Variants in RHEB observed in about 807,000 individuals in gnomAD.
The protein encoded by RHEB is Ras homolog, mTORC1 binding.
A neutral mutation model predicts 28.8 loss-of-function variants in RHEB; 2 were observed. That is an observed-to-expected ratio of 0.07 (90% CI 0.03 to 0.22). RHEB has a LOEUF of 0.22. Ranked by LOEUF, RHEB falls within the 10% of genes least tolerant of loss-of-function variation. The pLI is 1.00. For synonymous variants in RHEB, 69 were observed against 77.3 expected, an observed-to-expected ratio of 0.89 and a Z score of 0.56; for missense variants, 76 against 219.9, an observed-to-expected ratio of 0.35 and a Z score of 4.14.
At chr7:151,494,518 T>C (rs79049848) in intron 1 of RHEB, among the ~76,000 whole-genome samples, 1,988 of 152,370 alleles carry the variant, frequency 0.013, 43 homozygotes, top group African/African-American at 0.045. Context: ...TAAATTAACA[T>C]TTCACTTGAA....
chr7:151,478,913 G>T (rs897654603), intron 3 of RHEB, among the ~76,000 whole-genome samples: 1 of 151,794 alleles, frequency 6.6e-6, no homozygotes, highest in Non-Finnish European at 1.5e-5. Flanking sequence ...GGGATTACAC[G>T]TGTGAGCCAC....
At chr7:151,511,202 T>TA (rs1802981366) in intron 1 of RHEB, among the ~76,000 whole-genome samples, 5 of 152,334 alleles carry the variant, frequency 3.3e-5, no homozygotes, top group Admixed American at 6.5e-5. Context: ...AAAGCCCATA[T>TA]TTGCATCCCC....
chr7:151,485,055 C>T (rs1802444484), intron 2 of RHEB, among the ~76,000 whole-genome samples: 1 of 152,184 alleles, frequency 6.6e-6, no homozygotes, highest in African/African-American at 2.4e-5. Context: ...ACAAAGTACG[C>T]AACAATTCAT....
Position 151,505,609 on chromosome 7 carries a change from T to C in RHEB, c.52+13851A>G, listed in dbSNP as rs529749406. On this transcript the variant is annotated intron_variant, in intron 1 of 7. Transcript: ENST00000262187. ...AACAGTTTGGTAGTTTCTCCTAAAG[T>C]ATACACTTAACATATATGTGACTCA... Among the ~76,000 whole-genome samples the C allele has an allele frequency of 6.6e-5, 10 of 152,326 alleles. No homozygotes were observed. The East Asian group carries it at 9.6e-4, about 15-fold the overall frequency.
At chr7:151,519,259 G>C (rs1803137874) in intron 1 of RHEB, 1 of 248,556 alleles carries the variant, frequency 4.0e-6, no homozygotes, top group Non-Finnish European at 7.3e-6. Flanking sequence ...AGGGCGCCCA[G>C]CTACCGCGGC....
intron 1 of RHEB, among the ~76,000 whole-genome samples, chr7:151,510,389 C>A (rs1184380455): frequency 6.6e-6 from 1 of 152,228 alleles, no homozygotes; most frequent in East Asian, 1.9e-4. Flanking sequence ...GGGCAAGTCA[C>A]ATAAACTTTT....
chr7:151,483,326 T>A (rs1344466745), intron 3 of RHEB, among the ~76,000 whole-genome samples: 1 of 152,186 alleles, frequency 6.6e-6, no homozygotes, highest in African/African-American at 2.4e-5. Flanking sequence ...CTGGGTCTAC[T>A]CCAATTTCCC....
At chr7:151,511,998 C>G (rs564362023) in intron 1 of RHEB, among the ~76,000 whole-genome samples, 2 of 152,306 alleles carry the variant, frequency 1.3e-5, no homozygotes, top group African/African-American at 4.8e-5. Context: ...AAGGACTCAG[C>G]AGTTTGCATT....
chr7:151,470,844 TAG>T (rs1802149319), intron 6 of RHEB, among the ~76,000 whole-genome samples, 192 bp from the exon 7 acceptor site: 1 of 152,226 alleles, frequency 6.6e-6, no homozygotes, highest in Non-Finnish European at 1.5e-5. Flanking sequence ...GGGAACAGAA[TAG>T]ACATTGCTTT....
At chr7:151,475,530 C>CA (rs1416385804) in intron 4 of RHEB, among the ~76,000 whole-genome samples, 5 of 152,154 alleles carry the variant, frequency 3.3e-5, no homozygotes, top group African/African-American at 1.2e-4. Flanking sequence ...CAAGGCCTTA[C>CA]ACGTGGCAGT....
At chr7:151,474,863 G>C (rs1245547256) in intron 4 of RHEB, among the ~76,000 whole-genome samples, 1 of 152,150 alleles carries the variant, frequency 6.6e-6, no homozygotes, top group African/African-American at 2.4e-5. Context: ...GATTCAGAAA[G>C]TTTTACTGAC....
intron 1 of RHEB, among the ~76,000 whole-genome samples, chr7:151,517,515 C>T (rs1038682149): frequency 6.6e-6 from 1 of 151,416 alleles, no homozygotes; most frequent in African/African-American, 2.4e-5. Flanking sequence ...AAAATAGGGA[C>T]TAAAAGTGAC....
chr7:151,509,967 A>C (rs1166447969), intron 1 of RHEB, among the ~76,000 whole-genome samples: 3 of 152,226 alleles, frequency 2.0e-5, no homozygotes, highest in African/African-American at 4.8e-5. Context: ...GGCCTTTTAC[A>C]GAACAAGTCT....
chr7:151,498,197 A>T, intron 1 of RHEB: 5 of 1,264,748 alleles, frequency 4.0e-6, no homozygotes, highest in Non-Finnish European at 5.2e-6. Context: ...GGAAAAGGTC[A>T]GGTAAATAGA....
chr7:151,481,885 C>T (rs1029148902), intron 3 of RHEB, among the ~76,000 whole-genome samples: 5 of 152,194 alleles, frequency 3.3e-5, no homozygotes, highest in African/African-American at 1.2e-4. Flanking sequence ...TTTGGTTTCA[C>T]TATTTGTATT....
intron 3 of RHEB, among the ~76,000 whole-genome samples, chr7:151,480,994 G>A (rs551796414): frequency 2.2e-4 from 34 of 152,188 alleles, no homozygotes; most frequent in African/African-American, 7.2e-4. Context: ...CATTTATGCC[G>A]GAGGTTGCAA....
At chr7:151,504,739 A>T (rs1802836399) in intron 1 of RHEB, among the ~76,000 whole-genome samples, 2 of 152,290 alleles carry the variant, frequency 1.3e-5, no homozygotes, top group South Asian at 4.1e-4. Context: ...TATAGGATAA[A>T]AACCACAAAG....
intron 1 of RHEB, among the ~76,000 whole-genome samples, chr7:151,505,285 C>A (rs1176804203): frequency 2.0e-5 from 3 of 152,074 alleles, no homozygotes; most frequent in Non-Finnish European, 4.4e-5. Context: ...ATTAAATACA[C>A]ATCTGAAAAA....
At chr7:151,476,258 TG>T (rs1230056165) in intron 4 of RHEB, among the ~76,000 whole-genome samples, 4 of 152,192 alleles carry the variant, frequency 2.6e-5, no homozygotes, top group Non-Finnish European at 5.9e-5. Flanking sequence ...GTGGAGTATG[TG>T]GGGGTAAGGA....
Sources: gnomAD v4.1 joint callset for allele counts (sites outside exome capture counted in the v4.1 genomes callset) on GRCh38, gnomAD v4.1.1 for gene constraint, MANE v1.5 for transcripts, NCBI Gene and HGNC (gene_info 2026-07-23, HGNC 2026-07-21) for gene names.